NCK1: variants seen among roughly 807,000 people sequenced by gnomAD.
The protein encoded by NCK1 is NCK adaptor protein 1, also known as SH2/SH3 adapter protein NCK1.
In NCK1, 19 loss-of-function variants were observed where a neutral mutation model predicts 36.6. That is an observed-to-expected ratio of 0.52 (90% confidence interval 0.36 to 0.76). The LOEUF is 0.76. Among genes scored for constraint, NCK1 ranks in the 30% least tolerant of loss-of-function variants. NCK1 has a pLI of 0.00. For missense variants in NCK1, 358 were observed against 445.6 expected (o/e 0.80, Z 1.77); for synonymous variants, 165 against 156.0 (o/e 1.06, Z -0.43).
In NCK1 at chr3:136,928,214, A is replaced by T. The variant is rs748325789; in HGVS notation, c.213A>T (p.Leu71=). ...SARKASIVKN[L]KDTLGIGKVK... is the part of the protein sequence containing the mutation. ...GGAAAGCATCTATTGTGAAAAACCT[A>T]AAGGATACCTTAGGTAAGATATTTT... Residue 71 remains leucine (L), a synonymous_variant, in exon 2 of 4, where the codon CTA becomes CTT. Coordinates refer to ENST00000481752, the MANE Select transcript of NCK1 (RefSeq NM_001291999.2). 6.2e-7 allele frequency: 1 copy of T among 1,611,042 alleles called. No homozygotes were observed. The highest frequency in any genetic ancestry group is 8.5e-7 in the Non-Finnish European group (1 of 1,179,266).
rs556219474 is a variant in NCK1, at chr3:136,879,214, G to A, written c.-19+16861G>A. On this transcript the variant is annotated intron_variant, in intron 1 of 3. Transcript: ENST00000481752. ...TCTTTCATAAAGTAGAGGAAAAGAT[G>A]GAAAATAAATGAGAAAAGAAAATTA... Among the ~76,000 whole-genome samples, 16 of 151,578 alleles carry A rather than the reference G, an allele frequency of 1.1e-4. No individual in the cohort carries two copies. The South Asian group carries it at 3.3e-3, about 31-fold the overall frequency.
At chr3:136,918,800 G>C (rs1378026815) in intron 1 of NCK1, among the ~76,000 whole-genome samples, 5 of 152,148 alleles carry the variant, frequency 3.3e-5, no homozygotes, top group Non-Finnish European at 1.5e-5. Flanking sequence ...TAGATACTGA[G>C]GGCCAACTGT....
chr3:136,893,055 G>A (rs548200011), intron 1 of NCK1, among the ~76,000 whole-genome samples: 3 of 150,208 alleles, frequency 2.0e-5, no homozygotes, highest in Non-Finnish European at 4.4e-5. Context: ...CCATTCCTGA[G>A]TTACTTCAGT....
chr3:136,899,830 C>T, intron 1 of NCK1: 1 of 1,478,430 alleles, frequency 6.8e-7, no homozygotes, highest in South Asian at 1.1e-5. Flanking sequence ...AGTGCAACTT[C>T]TAAGTCTCTC....
At chr3:136,867,495 C>G (rs545184235) in intron 1 of NCK1, 50 of 148,760 alleles carry the variant, frequency 3.4e-4, no homozygotes, top group African/African-American at 1.2e-3. Flanking sequence ...ATCCTCCCAC[C>G]TTGGCTTCTC....
At chr3:136,925,122 T>C (rs553755188) in intron 1 of NCK1, among the ~76,000 whole-genome samples, 1 of 152,332 alleles carries the variant, frequency 6.6e-6, no homozygotes, top group African/African-American at 2.4e-5. Context: ...AAAAGCATTA[T>C]ATAAATTTTT....
chr3:136,930,992 T>A (rs1372666547), intron 2 of NCK1, among the ~76,000 whole-genome samples: 2 of 147,404 alleles, frequency 1.4e-5, no homozygotes, highest in Non-Finnish European at 1.5e-5. Context: ...TTTTTTTTTT[T>A]AACTACTTTT....
intron 1 of NCK1, among the ~76,000 whole-genome samples, chr3:136,898,385 C>CAAAA (rs36033316): frequency 1.3e-5 from 1 of 76,564 alleles, no homozygotes; most frequent in Admixed American, 1.5e-4. Flanking sequence ...GACTCCCTCT[C>CAAAA]AAAAAAAAAA....
rs1938669983 is a variant in NCK1, at chr3:136,872,996, A to G, written c.-19+10643A>G. On this transcript the variant is annotated intron_variant, in intron 1 of 3. Transcript: ENST00000481752. ...TGGAGAACCTCTGCTAGGGCAGTGC[A>G]GAAGGGAAATGTGGGGTCAGAGCCC... 2.0e-5 allele frequency among the ~76,000 whole-genome samples: 3 copies of G among 152,244 alleles called. No homozygotes were observed. The South Asian group carries it at 6.2e-4, about 31-fold the overall frequency.
chr3:136,943,829 T>G (rs1387565024), intron 2 of NCK1, among the ~76,000 whole-genome samples: 1 of 152,092 alleles, frequency 6.6e-6, no homozygotes, highest in East Asian at 1.9e-4. Context: ...AACAAGAATA[T>G]GTAAACAGGT....
intron 2 of NCK1, among the ~76,000 whole-genome samples, chr3:136,941,682 TAA>T (rs1197694501): frequency 6.9e-6 from 1 of 145,984 alleles, no homozygotes; most frequent in Non-Finnish European, 1.5e-5. Context: ...ATTTGTATTT[TAA>T]ATTGTGTAGG....
chr3:136,918,882 A>T lies in NCK1; in HGVS notation c.-18-9102A>T, dbSNP rs566183027. On this transcript the variant is annotated intron_variant, in intron 1 of 3. Coordinates refer to ENST00000481752, the MANE Select transcript of NCK1 (RefSeq NM_001291999.2). Reference sequence around the variant, plus strand: ...TATATATTCAGTGTTTTCACTAATGACCGTGTAACCATGTGAGTATTGTTC... The same window carrying T: ...TATATATTCAGTGTTTTCACTAATGTCCGTGTAACCATGTGAGTATTGTTC... Among the ~76,000 whole-genome samples, 340 of 152,330 alleles carry T rather than the reference A, an allele frequency of 2.2e-3. 1 individual carries two copies. Among genetic ancestry groups the T allele is most frequent in the African/African-American group, 7.7e-3 (319 of 41,578 alleles).
intron 1 of NCK1, among the ~76,000 whole-genome samples, chr3:136,923,292 A>G (rs1940159695): frequency 7.7e-6 from 1 of 129,990 alleles, no homozygotes; most frequent in African/African-American, 2.8e-5. Flanking sequence ...GCGGTGGCTC[A>G]CGCCTGTAAT....
chr3:136,867,466 G>A (rs966640829), intron 1 of NCK1: 1 of 101,038 alleles, frequency 9.9e-6, no homozygotes, highest in African/African-American at 3.9e-5. Context: ...GACTGGTTTT[G>A]AATTCCTGGC....
intron 1 of NCK1, among the ~76,000 whole-genome samples, chr3:136,891,359 T>G (rs1445998791): frequency 6.6e-6 from 1 of 152,202 alleles, no homozygotes; most frequent in Admixed American, 6.5e-5. Flanking sequence ...GGTCTTGAAC[T>G]CCTGACCTCA....
chr3:136,870,197 C>T (rs1560029923), intron 1 of NCK1, among the ~76,000 whole-genome samples: 1 of 151,854 alleles, frequency 6.6e-6, no homozygotes, highest in Non-Finnish European at 1.5e-5. Flanking sequence ...CAAAATTTAG[C>T]TGGGCGTGGT....
intron 3 of NCK1, among the ~76,000 whole-genome samples, chr3:136,947,374 T>G (rs940534066): frequency 6.6e-6 from 1 of 152,150 alleles, no homozygotes; most frequent in Non-Finnish European, 1.5e-5. Context: ...AATGCAGAAT[T>G]GTATGTATTT....
chr3:136,941,569 C>T (rs922086184), intron 2 of NCK1, among the ~76,000 whole-genome samples: 4 of 152,066 alleles, frequency 2.6e-5, no homozygotes. Context: ...AGTTTCAGTA[C>T]TATGCATAAC....
chr3:136,862,210 C>G lies in NCK1; in HGVS notation c.-162C>G, dbSNP rs936776792. ...TGCCCGCGCGGATCCGCCTGCCCAC[C>G]GCGCGTGCCCCGCCTCTCTCCCAAG... On this transcript the variant is annotated 5_prime_UTR_variant, in exon 1 of 4. Coordinates refer to ENST00000481752, the MANE Select transcript of NCK1 (RefSeq NM_001291999.2). The G allele has an allele frequency of 2.0e-5, 3 of 152,372 alleles. No individual in the cohort carries two copies. Among genetic ancestry groups the G allele is most frequent in the Non-Finnish European group, 4.4e-5 (3 of 68,126 alleles). 9.4% of individuals were successfully genotyped at this position (152,372 alleles called of 1,614,324 possible).
Sources: gnomAD v4.1 joint callset for allele counts (sites outside exome capture counted in the v4.1 genomes callset) on GRCh38, gnomAD v4.1.1 for gene constraint, MANE v1.5 for transcripts, NCBI Gene and HGNC (gene_info 2026-07-23, HGNC 2026-07-21) for gene names.